The following ENPP1 variants were observed in gnomAD, a reference collection of about 807,000 sequenced individuals.
ENPP1 encodes the protein ectonucleotide pyrophosphatase/phosphodiesterase 1, also known as ectonucleotide pyrophosphatase/phosphodiesterase family member 1.
A neutral mutation model predicts 122.8 loss-of-function variants in ENPP1; 73 were observed. The observed-to-expected ratio is 0.59, with a 90% CI of 0.49 to 0.72. The LOEUF (loss-of-function observed/expected upper bound fraction) is 0.72, where lower values mean the gene tolerates loss of function less well. Among genes scored for constraint, ENPP1 ranks in the 30% least tolerant of loss-of-function variants. The probability of loss-of-function intolerance (pLI) is 0.00; values close to 1 mark genes in which losing one functional copy is unlikely to be tolerated. For synonymous variants in ENPP1, 367 were observed against 391.6 expected (o/e 0.94, Z 0.74); for missense variants, 978 against 1,128.1 (o/e 0.87, Z 1.91).
intron 9 of ENPP1, 133 bp from the exon 10 acceptor site, chr6:131,864,373 A>C (rs1206524881): frequency 1.5e-6 from 1 of 661,898 alleles, no homozygotes; most frequent in Non-Finnish European, 2.7e-6. Context: ...TTCAAATAAA[A>C]CCCTTGATTT....
intron 1 of ENPP1, among the ~76,000 whole-genome samples, chr6:131,831,688 T>C (rs561206472): frequency 1.4e-3 from 212 of 152,368 alleles, no homozygotes; most frequent in Admixed American, 3.2e-3. Flanking sequence ...ACATGACAGA[T>C]GGTAAAGTGC....
chr6:131,886,338 C>G (rs562218086), intron 23 of ENPP1, among the ~76,000 whole-genome samples: 2 of 152,246 alleles, frequency 1.3e-5, no homozygotes, highest in African/African-American at 4.8e-5. Flanking sequence ...CAATAAACTT[C>G]TACAGAAAAT....
Position 131,891,210 on chromosome 6 carries a change from T to A in ENPP1, c.*699T>A, listed in dbSNP as rs34142005. ...TAAAATCTTACTTTGTATTTGTATT[T>A]AAAAAAGAAAAATATTCCTATCCTG... On this transcript the variant is annotated 3_prime_UTR_variant, in exon 25 of 25. Coordinates refer to ENST00000647893, the MANE Select transcript of ENPP1 (RefSeq NM_006208.3). 0.12 allele frequency: 17,753 copies of A among 152,112 alleles called. 1,951 individuals are homozygous for A. Among genetic ancestry groups the A allele is most frequent in the African/African-American group, 0.3 (12,247 of 41,372 alleles). The allele number at this position is 152,112 out of a possible 1,614,324, so 9.4% of individuals were successfully genotyped here. A position where few individuals can be genotyped will look rare whatever the true frequency, so the allele number is the denominator to read the frequency against.
chr6:131,884,237 C>A (rs939252276), intron 22 of ENPP1, among the ~76,000 whole-genome samples: 2 of 152,080 alleles, frequency 1.3e-5, no homozygotes, highest in Non-Finnish European at 2.9e-5. Flanking sequence ...AGTTTTTAGT[C>A]TAATTTATAT....
At chr6:131,835,612 G>T (rs149622526) in intron 1 of ENPP1, among the ~76,000 whole-genome samples, 6 of 151,932 alleles carry the variant, frequency 3.9e-5, no homozygotes, top group African/African-American at 1.4e-4. Flanking sequence ...AGAATGTGCA[G>T]GTTTGTTTCA....
At chr6:131,890,189 C>A in intron 24 of ENPP1, 152 bp from the exon 25 acceptor site, 1 of 692,314 alleles carries the variant, frequency 1.4e-6, no homozygotes, top group Non-Finnish European at 2.6e-6. Flanking sequence ...GAAAGCTACT[C>A]AAGAGGAGAG....
intron 6 of ENPP1, among the ~76,000 whole-genome samples, chr6:131,857,668 G>C (rs1006440573): frequency 4.6e-5 from 7 of 152,158 alleles, no homozygotes; most frequent in Middle Eastern, 6.8e-3. Context: ...GGTGAGGGGG[G>C]AGCGATAGCA....
chr6:131,849,695 G>A (rs1781856692), intron 2 of ENPP1, among the ~76,000 whole-genome samples: 1 of 151,996 alleles, frequency 6.6e-6, no homozygotes, highest in Non-Finnish European at 1.5e-5. Context: ...TCACACCATG[G>A]TTATTTAAGT....
intron 8 of ENPP1, among the ~76,000 whole-genome samples, chr6:131,861,109 G>A (rs1459824493): frequency 6.6e-6 from 1 of 152,140 alleles, no homozygotes; most frequent in Non-Finnish European, 1.5e-5. Context: ...ATTTAAAGCT[G>A]TGTGACTTTG....
At position 131,877,433 on chromosome 6, in the gene ENPP1, G is replaced by A. The variant is rs75899506; in HGVS notation, c.1893+272G>A. ...AAGTCTAGTTAGTTGACTTGGGTAC[G>A]GGTGTGGAGAAGTCTAGTTCAGTTC... On this transcript the variant is annotated intron_variant, in intron 18 of 24. Transcript: ENST00000647893. 2,626 of 477,148 alleles carry A rather than the reference G, an allele frequency of 5.5e-3. 64 individuals are homozygous for A. Among genetic ancestry groups the A allele is most frequent in the African/African-American group, 0.048 (2,454 of 51,046 alleles). The allele number at this position is 477,148 out of a possible 1,614,324, so 29.6% of individuals were successfully genotyped here. A position where few individuals can be genotyped will look rare whatever the true frequency, so the allele number is the denominator to read the frequency against.
chr6:131,808,330 G>C (rs1162467873), intron 1 of ENPP1, 55 bp downstream of exon 1: 1 of 1,449,966 alleles, frequency 6.9e-7, no homozygotes, highest in African/African-American at 1.5e-5. Flanking sequence ...CGGGGAGGGC[G>C]GCGCCGAGCT....
In ENPP1 at chr6:131,890,515, GT is replaced by G; in HGVS notation, c.*10del. ...AACCTTTAGCCAAGAAGACTGATAT[GT>G]TTTTTATCCCCAAACACCATGAATC... On this transcript the variant is annotated 3_prime_UTR_variant, in exon 25 of 25. Coordinates refer to ENST00000647893, the MANE Select transcript of ENPP1 (RefSeq NM_006208.3). 2 of 1,610,868 alleles carry G rather than the reference GT, an allele frequency of 1.2e-6. No homozygotes were observed. Among genetic ancestry groups the G allele is most frequent in the Non-Finnish European group, 1.7e-6 (2 of 1,177,094 alleles).
At chr6:131,809,734 A>G (rs9372996) in intron 1 of ENPP1, among the ~76,000 whole-genome samples, 17,626 of 152,266 alleles carry the variant, frequency 0.12, 1,121 homozygotes, top group South Asian at 0.22. Flanking sequence ...CTACATGCCT[A>G]TAAACCTTTA....
At chr6:131,886,927 T>G (rs1236993927) in intron 24 of ENPP1, among the ~76,000 whole-genome samples, 2 of 8,084 alleles carry the variant, frequency 2.5e-4, no homozygotes, top group East Asian at 0.5. Context: ...TACTTTTTTC[T>G]TTTTTTTTTT....
rs779171972 is a variant in ENPP1, at chr6:131,883,729, G to A, written c.2266G>A (p.Ala756Thr). Reference protein sequence around the residue: ...NKNSSGIYSEALLTTNIVPMY... With the variant: ...NKNSSGIYSETLLTTNIVPMY... The stretch of plus-strand genomic sequence containing the variant: ...AAATTCAAGTGGAATATATTCTGAA[G>A]CTTTGCTTACTACAAATATAGTGCC... Residue 756 changes from alanine (A) to threonine (T), a missense_variant, in exon 22 of 25, where the codon GCT becomes ACT. Physicochemically the swap from Ala to Thr is moderately conservative, Grantham distance 58. This residue lies in a region of ENPP1 where 644 missense variants were observed against 781.5 expected (regional missense o/e 0.82). Coordinates refer to ENST00000647893, the MANE Select transcript of ENPP1 (RefSeq NM_006208.3). The A allele has an allele frequency of 6.5e-7, 1 of 1,528,038 alleles. No individual in the cohort carries two copies. The highest frequency in any genetic ancestry group is 9.1e-7 in the Non-Finnish European group (1 of 1,102,378). The allele number at this position is 1,528,038 out of a possible 1,614,324, so 94.7% of individuals were successfully genotyped here.
chr6:131,850,126 A>G lies in ENPP1; in HGVS notation c.430+20A>G. 1 of 1,467,220 alleles carries G rather than the reference A, an allele frequency of 6.8e-7. No homozygotes were observed. Among genetic ancestry groups the G allele is most frequent in the Non-Finnish European group, 9.6e-7 (1 of 1,045,624 alleles). 90.9% of individuals were successfully genotyped at this position (1,467,220 alleles called of 1,614,324 possible). ...AACCAGGTAAGGATGAGCAGGGAAA[A>G]AAGTGGAGTTATGGTCATTAGGAAA... On this transcript the variant is annotated intron_variant, in intron 3 of 24. Coordinates refer to ENST00000647893, the MANE Select transcript of ENPP1 (RefSeq NM_006208.3).
Position 131,874,318 on chromosome 6 carries a change from A to G in ENPP1, c.1616A>G (p.Asn539Ser), listed in dbSNP as rs775554055. The change falls in exon 16 of 25, where the codon AAT becomes AGT. Residue 539 changes from asparagine to serine, a missense_variant. Coordinates refer to ENST00000647893, the MANE Select transcript of ENPP1 (RefSeq NM_006208.3). ...YCGSGFHGSD[N>S]VFSNMQALFV... ...GGAAGTGGATTTCATGGCTCTGACAATGTATTTTCAAATATGCAAGTGAGT... is the reference window on the plus strand; with the variant it reads ...GGAAGTGGATTTCATGGCTCTGACAGTGTATTTTCAAATATGCAAGTGAGT... The G allele has an allele frequency of 7.5e-6, 12 of 1,592,588 alleles. No homozygotes were observed. Among genetic ancestry groups the G allele is most frequent in the Non-Finnish European group, 1.0e-5 (12 of 1,161,508 alleles).
intron 1 of ENPP1, among the ~76,000 whole-genome samples, chr6:131,814,596 C>T (rs149788848): frequency 2.7e-4 from 41 of 152,214 alleles, no homozygotes; most frequent in African/African-American, 7.9e-4. Context: ...CTTCCTTTTC[C>T]TTCCCTTATG....
At chr6:131,815,561 TCTC>T (rs1294829698) in intron 1 of ENPP1, among the ~76,000 whole-genome samples, 1 of 152,218 alleles carries the variant, frequency 6.6e-6, no homozygotes, top group East Asian at 1.9e-4. Flanking sequence ...AGTTTTGTCA[TCTC>T]CTGCCCCCAT....
Sources: gnomAD v4.1 joint callset for allele counts (sites outside exome capture counted in the v4.1 genomes callset) on GRCh38, gnomAD v4.1.1 for gene constraint, gnomAD v4.1.1 regional missense constraint, MANE v1.5 for transcripts, NCBI Gene and HGNC (gene_info 2026-07-23, HGNC 2026-07-21) for gene names.